The following ZBTB17 variants were observed in gnomAD, a reference collection of about 807,000 sequenced individuals.
ZBTB17 encodes the protein zinc finger and BTB domain containing 17.
A neutral mutation model predicts 85.1 loss-of-function variants in ZBTB17; 24 were observed. The observed-to-expected ratio is 0.28, with a 90% confidence interval of 0.20 to 0.40. ZBTB17 has a LOEUF of 0.40. Ranked by LOEUF, ZBTB17 falls within the 10% of genes least tolerant of loss-of-function variation. The pLI, the probability that ZBTB17 is intolerant of heterozygous loss-of-function variation, is 1.00. For missense variants in ZBTB17, 743 were observed against 1,105.1 expected (o/e 0.67, Z 4.65); for synonymous variants, 464 against 460.2 (o/e 1.01, Z -0.11).
Position 15,942,019 on chromosome 1 carries a change from G to A in ZBTB17, c.2362C>T (p.Leu788=). ...PRDGAEGQPA[L]AETSPTAPEC... Reference sequence around the variant, plus strand: ...GGAGCTGTAGGGGAGGTCTCTGCCAGTGCGGGCTGGCCCTCAGCCCCGTCG... The same window carrying A: ...GGAGCTGTAGGGGAGGTCTCTGCCAATGCGGGCTGGCCCTCAGCCCCGTCG... Residue 788 remains leucine, a synonymous_variant, in exon 16 of 16, where the codon CTG becomes TTG. Coordinates refer to ENST00000375743, the MANE Select transcript of ZBTB17 (RefSeq NM_003443.3). 1.2e-6 allele frequency: 2 copies of A among 1,607,870 alleles called. No individual in the cohort carries two copies. The highest frequency in any genetic ancestry group is 1.3e-5 in the African/African-American group (1 of 75,064).
intron 2 of ZBTB17, among the ~76,000 whole-genome samples, chr1:15,954,326 A>C (rs895436121): frequency 6.6e-6 from 1 of 152,180 alleles, no homozygotes; most frequent in Non-Finnish European, 1.5e-5. Flanking sequence ...AGGGTTTCCA[A>C]ACTGCCACAA....
At chr1:15,970,233 T>G in intron 2 of ZBTB17, 2 of 446,682 alleles carry the variant, frequency 4.5e-6, no homozygotes, top group Non-Finnish European at 8.1e-6. Context: ...CTCTCACTTA[T>G]TTTTGAAGGG....
At chr1:15,946,085 T>A (rs758858159) in intron 5 of ZBTB17, 69 bp downstream of exon 5, 3 of 1,598,752 alleles carry the variant, frequency 1.9e-6, no homozygotes, top group Non-Finnish European at 2.5e-6. Flanking sequence ...AAGGCAGCCC[T>A]CACTACCCTG....
chr1:15,952,338 C>T lies in ZBTB17; in HGVS notation c.-2-3841G>A, dbSNP rs549648986. ...GGACACAGAGCCCTGGGCTCCCTCA[C>T]GAGGAATTCACTGGGGAACAAAAAA... On this transcript the variant is annotated intron_variant, in intron 2 of 15. Transcript: ENST00000375743. This position sits in a 1 kb window ranked among gnomAD's most constrained non-coding sequence, Gnocchi z 4.3. Among the ~76,000 whole-genome samples the T allele has an allele frequency of 4.6e-5, 7 of 152,192 alleles. No homozygotes were observed. The highest frequency in any genetic ancestry group is 2.6e-4 in the Admixed American group (4 of 15,284).
Position 15,946,135 on chromosome 1 carries a change from T to A in ZBTB17, c.535+19A>T. 1 of 1,603,210 alleles carries A rather than the reference T, an allele frequency of 6.2e-7. No individual in the cohort carries two copies. ...GGAGGTGACAGGACAGCCGGCTGGG[T>A]CCTTGGCATCTGACTCACCGCTGGC... is the stretch of plus-strand genomic sequence containing the variant. On this transcript the variant is annotated intron_variant, in intron 5 of 15. Coordinates refer to ENST00000375743, the MANE Select transcript of ZBTB17 (RefSeq NM_003443.3).
chr1:15,942,439 G>A lies in ZBTB17; in HGVS notation c.2039-19C>T. 4 of 1,612,736 alleles carry A rather than the reference G, an allele frequency of 2.5e-6. No homozygotes were observed. Among genetic ancestry groups the A allele is most frequent in the Non-Finnish European group, 3.4e-6 (4 of 1,179,950 alleles). On this transcript the variant is annotated intron_variant, in intron 14 of 15. Transcript: ENST00000375743. ...GGCACCACTGCGGGCAGAGTCGCAG[G>A]GCCTAAGGTGAAGGCACGGGCACTG...
chr1:15,971,199 T>C (rs1196011572), intron 2 of ZBTB17, among the ~76,000 whole-genome samples: 1 of 151,466 alleles, frequency 6.6e-6, no homozygotes. Context: ...ACTTGTTTGC[T>C]AAAATGTATG....
intron 2 of ZBTB17, among the ~76,000 whole-genome samples, chr1:15,960,442 G>C (rs563523037): frequency 6.6e-6 from 1 of 152,086 alleles, no homozygotes. Context: ...AGAAAGAAGA[G>C]AGCCCAATGC....
chr1:15,943,033 A>C, intron 13 of ZBTB17, 31 bp downstream of exon 13: 2 of 1,611,046 alleles, frequency 1.2e-6, no homozygotes, highest in Non-Finnish European at 1.7e-6. Flanking sequence ...GGGCCTGGGA[A>C]GGAACAGGCA....
At chr1:15,945,989 G>T in intron 5 of ZBTB17, 149 bp from the exon 6 acceptor site, 1 of 1,542,024 alleles carries the variant, frequency 6.5e-7, no homozygotes, top group Non-Finnish European at 8.8e-7. Context: ...TGTCTGCTCT[G>T]GTTGAAACAG....
chr1:15,942,866 C>T lies in ZBTB17; in HGVS notation c.1829-128G>A, dbSNP rs115866539. On this transcript the variant is annotated intron_variant, in intron 13 of 15. Coordinates refer to ENST00000375743, the MANE Select transcript of ZBTB17 (RefSeq NM_003443.3). ...CAGGAGGTGCTCTGGGGTGGCTGCA[C>T]GGGTGCCTCTGGTGACACTGGCACC... 5.5e-5 allele frequency: 74 copies of T among 1,349,046 alleles called. No homozygotes were observed. The African/African-American group carries it at 7.1e-4, about 13-fold the overall frequency. 83.6% of individuals were successfully genotyped at this position (1,349,046 alleles called of 1,614,324 possible).
intron 2 of ZBTB17, among the ~76,000 whole-genome samples, chr1:15,962,450 C>T (rs1389930597): frequency 6.6e-6 from 1 of 152,130 alleles, no homozygotes; most frequent in Admixed American, 6.5e-5. Flanking sequence ...TGGTGCCGCA[C>T]GCACAGTGTT....
intron 2 of ZBTB17, among the ~76,000 whole-genome samples, chr1:15,971,860 G>A (rs2072700017): frequency 6.7e-6 from 1 of 149,818 alleles, no homozygotes; most frequent in Non-Finnish European, 1.5e-5. Context: ...AGACAATCTT[G>A]TGATTAGGAA....
At chr1:15,969,818 AGTGG>A (rs1348006086) in intron 2 of ZBTB17, 36 of 544,290 alleles carry the variant, frequency 6.6e-5, no homozygotes, top group Non-Finnish European at 1.1e-4. Flanking sequence ...CTTCCCCTGG[AGTGG>A]GTCACCATGC....
chr1:15,975,714 G>A (rs1170864110), intron 1 of ZBTB17, among the ~76,000 whole-genome samples: 2 of 152,120 alleles, frequency 1.3e-5, no homozygotes, highest in African/African-American at 4.8e-5. Context: ...CAGCTGGGGT[G>A]TCATCCAGCC....
intron 5 of ZBTB17, 106 bp downstream of exon 5, chr1:15,946,048 G>A (rs768433358): frequency 3.8e-6 from 6 of 1,573,756 alleles, no homozygotes; most frequent in Non-Finnish European, 5.2e-6. Flanking sequence ...AGGCTCAAGA[G>A]GTGCAGGTGC....
At chr1:15,946,053 AG>A in intron 5 of ZBTB17, 100 bp downstream of exon 5, 12 of 1,578,046 alleles carry the variant, frequency 7.6e-6, no homozygotes, top group Non-Finnish European at 1.0e-5. Flanking sequence ...CAAGAGGTGC[AG>A]GTGCCCGTGC....
At chr1:15,954,452 G>A (rs1363533646) in intron 2 of ZBTB17, among the ~76,000 whole-genome samples, 1 of 152,214 alleles carries the variant, frequency 6.6e-6, no homozygotes, top group Non-Finnish European at 1.5e-5. Context: ...CTTGACATGA[G>A]CCATCTTGTG....
In ZBTB17 at chr1:15,941,995, G is replaced by A; in HGVS notation, c.2386C>T (p.Pro796Ser). The A allele has an allele frequency of 6.2e-7, 1 of 1,600,674 alleles. No individual in the cohort carries two copies. Reference sequence around the variant, plus strand: ...CACTCGGCAGGCGGGGGACATTCAGGAGCTGTAGGGGAGGTCTCTGCCAGT... The same window carrying A: ...CACTCGGCAGGCGGGGGACATTCAGAAGCTGTAGGGGAGGTCTCTGCCAGT... ...PALAETSPTA[P>S]ECPPPAE The change falls in exon 16 of 16, where the codon CCT (proline) becomes TCT (serine). Residue 796 changes from proline to serine, a missense_variant. Physicochemically the swap from Pro to Ser is moderately conservative, Grantham distance 74 (BLOSUM62 -1). Transcript: ENST00000375743.
Sources: gnomAD v4.1 joint callset for allele counts (sites outside exome capture counted in the v4.1 genomes callset) on GRCh38, gnomAD v4.1.1 for gene constraint, Gnocchi (gnomAD v3.1) non-coding constraint, MANE v1.5 for transcripts, NCBI Gene and HGNC (gene_info 2026-07-23, HGNC 2026-07-21) for gene names.